Variants in PUM3 observed in about 807,000 individuals in gnomAD.
PUM3 encodes the protein pumilio homolog 3.
In PUM3, 91 loss-of-function variants were observed where a neutral mutation model predicts 84.0. The ratio of observed to expected loss-of-function variants is 1.08; its 90% confidence interval spans 0.91 to 1.29. The LOEUF is 1.29. PUM3 is among the 50% of genes most tolerant of loss of function. The pLI, the probability that PUM3 is intolerant of heterozygous loss-of-function variation, is 0.00. For missense variants in PUM3, 1,067 were observed against 767.5 expected, an observed-to-expected ratio of 1.39 and a Z score of -4.61; for synonymous variants, 321 against 266.7, an observed-to-expected ratio of 1.20 and a Z score of -1.98.
chr9:2,823,677 T>C (rs1346575557), intron 12 of PUM3, 104 bp downstream of exon 12: 3 of 511,878 alleles, frequency 5.9e-6, no homozygotes, highest in Non-Finnish European at 1.0e-5. Context: ...AAAACAATAA[T>C]TTTCTGCTTG....
intron 1 of PUM3, among the ~76,000 whole-genome samples, chr9:2,839,171 C>G (rs778210176): frequency 1.3e-5 from 2 of 152,180 alleles, no homozygotes; most frequent in African/African-American, 4.8e-5. Flanking sequence ...TACTGAGACA[C>G]CATGGTGCAC....
intron 8 of PUM3, among the ~76,000 whole-genome samples, chr9:2,829,491 A>T: frequency 6.6e-6 from 1 of 152,240 alleles, no homozygotes; most frequent in East Asian, 1.9e-4. Flanking sequence ...GTCCTTCAGT[A>T]TGACTGTAAA....
At chr9:2,812,179 A>G in intron 14 of PUM3, 41 bp downstream of exon 14, 1 of 1,575,414 alleles carries the variant, frequency 6.3e-7, no homozygotes, top group Non-Finnish European at 8.7e-7. Context: ...CTCAACATTA[A>G]CAGAGGAATA....
At position 2,811,520 on chromosome 9, in the gene PUM3, G is replaced by A. The variant is rs149246399; in HGVS notation, c.1476C>T (p.Ser492=). The A allele has an allele frequency of 3.3e-5, 54 of 1,614,052 alleles. No homozygotes were observed. In the African/African-American group the frequency reaches 6.8e-4, roughly 20 times the overall value. The part of the protein sequence containing the change: ...LLESISPALL[S]YLQEHAQEVV... ...CTTCTTGGGCGTGTTCTTGCAGGTA[G>A]CTTAACAAAGCTGGAGAAATGGATT... The change falls in exon 15 of 18, where the codon AGC becomes AGT. Residue 492 remains serine (S), a synonymous_variant. Transcript: ENST00000397885.
intron 1 of PUM3, among the ~76,000 whole-genome samples, chr9:2,843,049 C>T (rs1293086543): frequency 6.6e-6 from 1 of 152,158 alleles, no homozygotes. Flanking sequence ...CTTGAGCTTC[C>T]AAATGTAATA....
rs1816181174 is a variant in PUM3, at chr9:2,838,277, G to C, written c.82+149C>G. On this transcript the variant is annotated intron_variant, in intron 2 of 17. Transcript: ENST00000397885. Reference sequence around the variant, plus strand: ...TTTCTTAAGTGTCTAAATGTCATGAGCAACATGTTAACTCATACACAATAA... The same window carrying C: ...TTTCTTAAGTGTCTAAATGTCATGACCAACATGTTAACTCATACACAATAA... 6.6e-6 allele frequency: 4 copies of C among 607,484 alleles called. No individual in the cohort carries two copies. The East Asian group carries it at 1.0e-4, about 16-fold the overall frequency. The allele number at this position is 607,484 out of a possible 1,614,324, so 37.6% of individuals were successfully genotyped here. A position where few individuals can be genotyped will look rare whatever the true frequency, so the allele number is the denominator to read the frequency against.
rs572752267 is a variant in PUM3 at position 2,821,443 on chromosome 9, C to CAAAAAAAAAAAAAAAAA, written c.1189-1362_1189-1346dup. ...TGGGCGACAGAGCAAGACTCTGTCTCAAAAAAAAAAAAAAAAAAAGAACAT... is the reference window on the plus strand; with the variant it reads ...TGGGCGACAGAGCAAGACTCTGTCTCAAAAAAAAAAAAAAAAAAAAAAAAAAAAAAAAAAAAGAACAT... On this transcript the variant is annotated intron_variant, in intron 12 of 17. Transcript: ENST00000397885. Among the ~76,000 whole-genome samples, 137 of 49,934 alleles carry CAAAAAAAAAAAAAAAAA rather than the reference C, an allele frequency of 2.7e-3. 2 individuals carry two copies. The highest frequency in any genetic ancestry group is 5.3e-3 in the African/African-American group (66 of 12,398). The allele number at this position is 49,934 out of a possible 152,430, so 32.8% of individuals were successfully genotyped here.
chr9:2,836,484 G>A (rs1816123975), intron 3 of PUM3, among the ~76,000 whole-genome samples: 1 of 152,188 alleles, frequency 6.6e-6, no homozygotes, highest in Non-Finnish European at 1.5e-5. Flanking sequence ...GAACATCGTT[G>A]ACAGAGATGG....
rs779040568 is a variant in PUM3 at position 2,837,323 on chromosome 9, T to C, written c.161A>G (p.Glu54Gly). The change falls in exon 3 of 18, where the codon GAG becomes GGG. Residue 54 changes from glutamate (E) to glycine (G), a missense_variant. Glu to Gly is a moderately conservative substitution (Grantham distance 98). Transcript: ENST00000397885. ...GGPKVTSRNF[E>G]KSITKLGKKG... Reference sequence around the variant, plus strand: ...TTTCCCAAGTTTTGTGATACTTTTCTCAAAGTTCCTAGATGTGACTTTAGG... The same window carrying C: ...TTTCCCAAGTTTTGTGATACTTTTCCCAAAGTTCCTAGATGTGACTTTAGG... 3 of 1,613,978 alleles carry C rather than the reference T, an allele frequency of 1.9e-6. No individual in the cohort carries two copies. Among genetic ancestry groups the C allele is most frequent in the Non-Finnish European group, 2.5e-6 (3 of 1,179,934 alleles).
At chr9:2,817,607 T>C (rs1821498508) in intron 13 of PUM3, among the ~76,000 whole-genome samples, 1 of 152,204 alleles carries the variant, frequency 6.6e-6, no homozygotes. Flanking sequence ...ATACATGTTT[T>C]ACAAAATAAA....
At chr9:2,836,107 C>A (rs1471521484) in intron 3 of PUM3, among the ~76,000 whole-genome samples, 1 of 152,040 alleles carries the variant, frequency 6.6e-6, no homozygotes, top group Non-Finnish European at 1.5e-5. Flanking sequence ...GATCCTGGAG[C>A]CCTAATGGGA....
rs747155246 is a variant in PUM3, at chr9:2,807,884, C to T, written c.1744G>A (p.Val582Ile). 2 of 1,613,062 alleles carry T rather than the reference C, an allele frequency of 1.2e-6. No individual in the cohort carries two copies. Among genetic ancestry groups the T allele is most frequent in the East Asian group, 2.2e-5 (1 of 44,890 alleles). Residue 582 changes from valine (V) to isoleucine (I), a missense_variant, in exon 17 of 18, where the codon GTA (valine) becomes ATA (isoleucine). Coordinates refer to ENST00000397885, the MANE Select transcript of PUM3 (RefSeq NM_014878.5). ...AGGTTCTTCATACCAACATGCTCTA[C>T]AAGTGTTTTTGCAAAACAACCTGTA... Reference protein sequence around the residue: ...GREGCFAKTLVEHVGMKNLKS... With the variant: ...GREGCFAKTLIEHVGMKNLKS...
chr9:2,824,343 A>T (rs1413639288), intron 11 of PUM3, among the ~76,000 whole-genome samples: 3 of 152,192 alleles, frequency 2.0e-5, no homozygotes, highest in Non-Finnish European at 4.4e-5. Context: ...CACCTATGGG[A>T]GCAAATGTGT....
rs1260477679 is a variant in PUM3 at position 2,812,288 on chromosome 9, G to A, written c.1344C>T (p.Pro448=). Residue 448 remains proline, a synonymous_variant, in exon 14 of 18, where the codon CCC becomes CCT. Coordinates refer to ENST00000397885, the MANE Select transcript of PUM3 (RefSeq NM_014878.5). ...GRKVLLYLLS[P]RDPAHTVREI... ...CTCGTACTGTATGTGCAGGATCTCTGGGGCTTAGTAAGTACAATAGGACCT... is the reference window on the plus strand; with the variant it reads ...CTCGTACTGTATGTGCAGGATCTCTAGGGCTTAGTAAGTACAATAGGACCT... 1.9e-6 allele frequency: 3 copies of A among 1,610,838 alleles called. No individual in the cohort carries two copies. In the African/African-American group the frequency reaches 4.0e-5, roughly 22 times the overall value.
At chr9:2,841,640 T>C (rs1047252561) in intron 1 of PUM3, among the ~76,000 whole-genome samples, 1 of 150,220 alleles carries the variant, frequency 6.7e-6, no homozygotes, top group African/African-American at 2.5e-5. Context: ...ACATCCTACC[T>C]CCTCTTAAGT....
chr9:2,814,368 A>G (rs1821430748), intron 13 of PUM3, among the ~76,000 whole-genome samples: 1 of 151,814 alleles, frequency 6.6e-6, no homozygotes, highest in Non-Finnish European at 1.5e-5. Flanking sequence ...GCACTATGAC[A>G]CCCAGCTTAT....
At chr9:2,814,056 G>C (rs1036517024) in intron 13 of PUM3, among the ~76,000 whole-genome samples, 2 of 152,064 alleles carry the variant, frequency 1.3e-5, no homozygotes, top group African/African-American at 4.8e-5. Context: ...AATTCAATAG[G>C]TCTAACCACC....
chr9:2,841,032 T>G (rs1816252354), intron 1 of PUM3, among the ~76,000 whole-genome samples: 1 of 152,202 alleles, frequency 6.6e-6, no homozygotes, highest in African/African-American at 2.4e-5. Context: ...AACTTGAAGC[T>G]CATACTGATG....
intron 1 of PUM3, among the ~76,000 whole-genome samples, chr9:2,843,245 TCTAA>T (rs1336336556): frequency 1.3e-5 from 2 of 152,176 alleles, no homozygotes; most frequent in Non-Finnish European, 2.9e-5. Flanking sequence ...TATCTTGTAC[TCTAA>T]CTATACTCCT....
Sources: allele counts gnomAD v4.1 joint callset (sites outside exome capture counted in the v4.1 genomes callset), GRCh38; gene constraint gnomAD v4.1.1; transcripts MANE v1.5; gene names NCBI Gene and HGNC (gene_info 2026-07-23, HGNC 2026-07-21).